SOX5: variants seen among roughly 807,000 people sequenced by gnomAD.
SOX5 encodes transcription factor SOX-5.
SOX5 carries 9 observed loss-of-function variants against 92.0 expected under a neutral mutation model. The observed-to-expected ratio is 0.10, with a 90% CI of 0.06 to 0.17. The LOEUF is 0.17. SOX5 is among the 10% of genes least tolerant of loss of function. The pLI is 1.00. For synonymous variants in SOX5, 344 were observed against 336.3 expected, an observed-to-expected ratio of 1.02 and a Z score of -0.25; for missense variants, 642 against 944.5, an observed-to-expected ratio of 0.68 and a Z score of 4.20.
At chr12:24,101,140 C>A (rs1339474600) in intron 4 of SOX5, among the ~76,000 whole-genome samples, 1 of 152,118 alleles carries the variant, frequency 6.6e-6, no homozygotes, top group Non-Finnish European at 1.5e-5. Flanking sequence ...GTCTACTGCT[C>A]TCAGAAGGAA....
intron 3 of SOX5, among the ~76,000 whole-genome samples, chr12:24,223,943 C>T (rs1282267612): frequency 6.6e-6 from 1 of 152,166 alleles, no homozygotes; most frequent in Non-Finnish European, 1.5e-5. Flanking sequence ...AGGCAGGTGG[C>T]ATCTCCAATC....
chr12:23,674,763 T>C (rs1395001945), intron 6 of SOX5, among the ~76,000 whole-genome samples: 3 of 152,032 alleles, frequency 2.0e-5, no homozygotes, highest in Non-Finnish European at 2.9e-5. Flanking sequence ...TTTTGTTTTC[T>C]GCACAAAATA....
At chr12:24,187,109 A>T (rs1956090495) in intron 4 of SOX5, among the ~76,000 whole-genome samples, 1 of 152,200 alleles carries the variant, frequency 6.6e-6, no homozygotes, top group South Asian at 2.1e-4. Context: ...ATGGAAGCAC[A>T]ATCAGTCCCA....
At chr12:23,715,032 T>C (rs996332778) in intron 6 of SOX5, among the ~76,000 whole-genome samples, 1 of 152,072 alleles carries the variant, frequency 6.6e-6, no homozygotes, top group Non-Finnish European at 1.5e-5. Context: ...TAGAGTTTCC[T>C]ATGTTTTAAA....
intron 4 of SOX5, among the ~76,000 whole-genome samples, chr12:24,205,060 T>C (rs1191857629): frequency 1.3e-5 from 2 of 152,228 alleles, no homozygotes; most frequent in Non-Finnish European, 2.9e-5. Context: ...GTCTTCTCTT[T>C]GAAAGCTTAA....
intron 4 of SOX5, among the ~76,000 whole-genome samples, chr12:24,156,526 A>G (rs977817806): frequency 4.6e-5 from 7 of 152,118 alleles, no homozygotes; most frequent in Admixed American, 2.6e-4. Flanking sequence ...CCCTGATATC[A>G]GTTTCCAGAA....
chr12:24,054,240 G>A (rs1037742866), intron 4 of SOX5, among the ~76,000 whole-genome samples: 4 of 152,154 alleles, frequency 2.6e-5, no homozygotes, highest in Non-Finnish European at 2.9e-5. Context: ...TAAAGTAAAA[G>A]AGTTATGTCC....
At chr12:23,622,889 C>A (rs1051832676) in intron 8 of SOX5, among the ~76,000 whole-genome samples, 2 of 151,936 alleles carry the variant, frequency 1.3e-5, no homozygotes, top group African/African-American at 4.8e-5. Context: ...TTATTTTAGC[C>A]ATTAAAAATA....
At chr12:24,326,483 T>C (rs1224967966) in intron 2 of SOX5, among the ~76,000 whole-genome samples, 1 of 152,144 alleles carries the variant, frequency 6.6e-6, no homozygotes, top group Non-Finnish European at 1.5e-5. Context: ...CCTACTAGAC[T>C]GTAAGCTTCT....
At chr12:23,903,061 C>T (rs1406221227) in intron 1 of SOX5, among the ~76,000 whole-genome samples, 1 of 152,110 alleles carries the variant, frequency 6.6e-6, no homozygotes, top group African/African-American at 2.4e-5. Context: ...TATATACCTA[C>T]TCATCCATTT....
At chr12:23,874,891 C>A (rs1342758688) in intron 2 of SOX5, among the ~76,000 whole-genome samples, 2 of 152,150 alleles carry the variant, frequency 1.3e-5, no homozygotes, top group African/African-American at 2.4e-5. Context: ...CACTGAGTAC[C>A]ATAGAAGAAG....
intron 10 of SOX5, among the ~76,000 whole-genome samples, chr12:23,571,394 G>A (rs1375928906): frequency 6.6e-6 from 1 of 152,044 alleles, no homozygotes; most frequent in African/African-American, 2.4e-5. Context: ...GCTAAGAACA[G>A]TACATTCCAA....
chr12:23,742,663 G>T (rs1376448943), intron 4 of SOX5, among the ~76,000 whole-genome samples: 1 of 152,178 alleles, frequency 6.6e-6, no homozygotes, highest in Non-Finnish European at 1.5e-5. Context: ...GTCTTAGAAT[G>T]CGCATAACCT....
At chr12:23,536,270 C>T (rs947874298) in intron 14 of SOX5, among the ~76,000 whole-genome samples, 183 bp downstream of exon 14, 15 of 152,198 alleles carry the variant, frequency 9.9e-5, no homozygotes, top group Non-Finnish European at 1.8e-4. Context: ...GAGCTAGGAA[C>T]TTGCAGTGGA....
chr12:24,491,790 C>A (rs1293813404), intron 1 of SOX5, among the ~76,000 whole-genome samples: 3 of 152,126 alleles, frequency 2.0e-5, no homozygotes, highest in African/African-American at 7.2e-5. Flanking sequence ...TTAGACTGTT[C>A]TTCCTCATGG....
intron 3 of SOX5, among the ~76,000 whole-genome samples, chr12:23,830,534 T>A (rs1248352464): frequency 6.6e-6 from 1 of 152,154 alleles, no homozygotes; most frequent in Non-Finnish European, 1.5e-5. Flanking sequence ...ATGTACTTTG[T>A]CAAAAGGACA....
At chr12:24,000,467 T>G (rs780495642) in intron 4 of SOX5, among the ~76,000 whole-genome samples, 7 of 151,998 alleles carry the variant, frequency 4.6e-5, no homozygotes, top group Non-Finnish European at 1.0e-4. Context: ...TTAAAAAAAT[T>G]AGGTTAGTAT....
chr12:23,757,578 C>T (rs1053385466), intron 3 of SOX5, among the ~76,000 whole-genome samples: 5 of 151,818 alleles, frequency 3.3e-5, no homozygotes, highest in Admixed American at 3.3e-4. Flanking sequence ...TCTCTTTTTT[C>T]CAGCACTCTA....
intron 2 of SOX5, among the ~76,000 whole-genome samples, chr12:24,363,544 A>G (rs572817764): frequency 6.6e-6 from 1 of 152,232 alleles, no homozygotes; most frequent in Non-Finnish European, 1.5e-5. Context: ...TTATAGCAAT[A>G]ACATTTATGT....
Sources: allele counts gnomAD v4.1 joint callset (sites outside exome capture counted in the v4.1 genomes callset), GRCh38; gene constraint gnomAD v4.1.1; transcripts MANE v1.5; gene names NCBI Gene and HGNC (gene_info 2026-07-23, HGNC 2026-07-21).